The following MAPK10 variants were observed in gnomAD, a reference collection of about 807,000 sequenced individuals.
MAPK10 encodes mitogen-activated protein kinase 10.
In MAPK10, 25 loss-of-function variants were observed where a neutral mutation model predicts 59.3. The ratio of observed to expected loss-of-function variants is 0.42; its 90% CI spans 0.31 to 0.59. MAPK10 has a LOEUF of 0.59. MAPK10 is among the 20% of genes least tolerant of loss of function. The probability of loss-of-function intolerance (pLI) is 0.15; values close to 1 mark genes in which losing one functional copy is unlikely to be tolerated. For missense variants in MAPK10, 351 were observed against 568.9 expected (o/e 0.62, Z 3.90); for synonymous variants, 190 against 200.5 (o/e 0.95, Z 0.44).
Position 86,101,077 on chromosome 4 carries a change from G to A in MAPK10, c.705C>T (p.Ile235=). The part of the protein sequence containing the change: ...VTRYYRAPEV[I]LGMGYKENVD... ...CGTTCTCCTTGTAGCCCATCCCCAG[G>A]ATGACCTCAGGGGCTCTGTAATAAC... The change falls in exon 8 of 14, where the codon ATC becomes ATT. Residue 235 remains isoleucine, a synonymous_variant. Transcript: ENST00000641462. The A allele has an allele frequency of 6.2e-7, 1 of 1,613,762 alleles. No homozygotes were observed. The highest frequency in any genetic ancestry group is 8.5e-7 in the Non-Finnish European group (1 of 1,179,822).
chr4:86,087,546 C>T (rs1213393882), intron 9 of MAPK10, among the ~76,000 whole-genome samples: 4 of 151,996 alleles, frequency 2.6e-5, no homozygotes, highest in Admixed American at 2.0e-4. Context: ...TTATAGACGT[C>T]ATTTAATAAA....
chr4:86,261,284 G>T (rs1468495369), intron 2 of MAPK10, among the ~76,000 whole-genome samples: 1 of 152,154 alleles, frequency 6.6e-6, no homozygotes, highest in African/African-American at 2.4e-5. Context: ...GAATCACTTT[G>T]ACAATTTAAA....
intron 2 of MAPK10, among the ~76,000 whole-genome samples, chr4:86,264,823 A>G (rs1472978224): frequency 2.6e-5 from 4 of 151,524 alleles, no homozygotes; most frequent in Non-Finnish European, 4.4e-5. Flanking sequence ...ATTTAAACAG[A>G]ATTCATTAAT....
intron 1 of MAPK10, among the ~76,000 whole-genome samples, chr4:86,435,290 A>G (rs1298641477): frequency 1.3e-5 from 2 of 152,170 alleles, no homozygotes; most frequent in Non-Finnish European, 2.9e-5. Flanking sequence ...TGAGGTCAGG[A>G]GTTCGAGACC....
intron 1 of MAPK10, among the ~76,000 whole-genome samples, chr4:86,439,476 CT>C (rs980307437): frequency 6.6e-6 from 1 of 152,188 alleles, no homozygotes; most frequent in African/African-American, 2.4e-5. Context: ...TGTACCACCA[CT>C]TTTTTATCCA....
intron 1 of MAPK10, 71 bp downstream of exon 1, chr4:86,359,587 G>T: frequency 1.4e-6 from 1 of 703,614 alleles, no homozygotes; most frequent in South Asian, 6.4e-5. Context: ...GCCCCACCAG[G>T]AGCAATCAAT....
intron 1 of MAPK10, among the ~76,000 whole-genome samples, chr4:86,369,880 C>T (rs1364905001): frequency 6.6e-6 from 1 of 152,166 alleles, no homozygotes; most frequent in Middle Eastern, 3.2e-3. Flanking sequence ...CGCATGGCCT[C>T]TTCATTTCCC....
Position 86,439,631 on chromosome 4 carries a change from T to A in MAPK10, c.-122+13399A>T, listed in dbSNP as rs1460532904. Among the ~76,000 whole-genome samples, 8 of 152,368 alleles carry A rather than the reference T, an allele frequency of 5.3e-5. 1 individual carries two copies. The highest frequency in any genetic ancestry group is 5.2e-4 in the Admixed American group (8 of 15,304). On this transcript the variant is annotated intron_variant, in intron 1 of 13. Coordinates refer to the MAPK10 transcript ENST00000361569. ...ACCTAAAGGTAGAATTGCTGGGTTA[T>A]ATTGTAAGTGTATGTTTAATGTTAA...
intron 2 of MAPK10, among the ~76,000 whole-genome samples, chr4:86,324,442 TA>T (rs1330360714): frequency 6.6e-6 from 1 of 151,820 alleles, no homozygotes; most frequent in Non-Finnish European, 1.5e-5. Context: ...AAAAGATCTG[TA>T]ATCTGTTTTC....
chr4:86,016,087 T>G lies in MAPK10; in HGVS notation c.*1141A>C, dbSNP rs906539432. On this transcript the variant is annotated 3_prime_UTR_variant, in exon 14 of 14. Coordinates refer to ENST00000641462, the MANE Select transcript of MAPK10 (RefSeq NM_138982.4). Reference sequence around the variant, plus strand: ...AGTAGTCTAGGCAGGCTCATTTTTTTGTTGAAGGAATTCACATGGAGGCAA... The same window carrying G: ...AGTAGTCTAGGCAGGCTCATTTTTTGGTTGAAGGAATTCACATGGAGGCAA... 2 of 152,212 alleles carry G rather than the reference T, an allele frequency of 1.3e-5. No individual in the cohort carries two copies. The highest frequency in any genetic ancestry group is 2.9e-5 in the Non-Finnish European group (2 of 68,048). 9.4% of individuals were successfully genotyped at this position (152,212 alleles called of 1,614,324 possible). A position where few individuals can be genotyped will look rare whatever the true frequency, so the allele number is the denominator to read the frequency against.
At chr4:86,410,811 T>C (rs1172646283) in intron 1 of MAPK10, among the ~76,000 whole-genome samples, 3 of 152,182 alleles carry the variant, frequency 2.0e-5, no homozygotes, top group Non-Finnish European at 4.4e-5. Context: ...TTTATTAGTC[T>C]TGCTAGTGGT....
At chr4:86,548,516 G>A (rs954779529) in intron 1 of MAPK10, among the ~76,000 whole-genome samples, 2 of 152,146 alleles carry the variant, frequency 1.3e-5, no homozygotes, top group Non-Finnish European at 2.9e-5. Flanking sequence ...CTCCAGGGCT[G>A]GAGGTGGGGT....
intron 2 of MAPK10, among the ~76,000 whole-genome samples, chr4:86,290,301 G>A (rs1469960667): frequency 6.6e-6 from 1 of 152,220 alleles, no homozygotes; most frequent in African/African-American, 2.4e-5. Context: ...TGCTAAGAAG[G>A]ACAAGTAATT....
chr4:86,153,067 A>G (rs532946837), intron 4 of MAPK10, among the ~76,000 whole-genome samples: 186 of 152,328 alleles, frequency 1.2e-3, no homozygotes, highest in African/African-American at 4.0e-3. Context: ...ATCTGAAAAA[A>G]TAGTATATGG....
intron 1 of MAPK10, among the ~76,000 whole-genome samples, chr4:86,539,036 A>G (rs1027123053): frequency 3.3e-5 from 5 of 152,184 alleles, no homozygotes; most frequent in Non-Finnish European, 5.9e-5. Context: ...GTGAAAATCA[A>G]TCCCCATCAG....
chr4:86,520,333 T>C (rs568976419), intron 1 of MAPK10, among the ~76,000 whole-genome samples: 1 of 152,198 alleles, frequency 6.6e-6, no homozygotes, highest in Non-Finnish European at 1.5e-5. Flanking sequence ...TTTGTCATTG[T>C]TGAATTGAAT....
chr4:86,141,311 G>C (rs2063593576), intron 4 of MAPK10, among the ~76,000 whole-genome samples: 1 of 152,144 alleles, frequency 6.6e-6, no homozygotes, highest in Non-Finnish European at 1.5e-5. Context: ...GCTGAACAAG[G>C]CACAAAGAGC....
At chr4:86,216,297 T>TATATATATATATATATAGC (rs2087593602) in intron 2 of MAPK10, among the ~76,000 whole-genome samples, 1 of 85,006 alleles carries the variant, frequency 1.2e-5, no homozygotes, top group African/African-American at 4.8e-5. Context: ...ATATATAGCA[T>TATATATATATATATATAGC]ATATATATAT....
chr4:86,086,537 G>A (rs1052509593), intron 9 of MAPK10, among the ~76,000 whole-genome samples: 11 of 151,932 alleles, frequency 7.2e-5, no homozygotes, highest in African/African-American at 2.7e-4. Context: ...CAGCTATTAT[G>A]TACCCAGAAA....
Sources: allele counts gnomAD v4.1 joint callset (sites outside exome capture counted in the v4.1 genomes callset), GRCh38; gene constraint gnomAD v4.1.1; transcripts MANE v1.5; gene names NCBI Gene and HGNC (gene_info 2026-07-23, HGNC 2026-07-21).